Variants in RHBDD1 observed in about 807,000 individuals in gnomAD.
The protein encoded by RHBDD1 is rhomboid-related protein 4.
In RHBDD1, 38 loss-of-function variants were observed where a neutral mutation model predicts 36.3. The observed-to-expected ratio is 1.05, with a 90% CI of 0.81 to 1.37. The LOEUF (loss-of-function observed/expected upper bound fraction) is 1.37, where lower values mean the gene tolerates loss of function less well. Ranked by LOEUF, RHBDD1 falls within the 40% of genes most tolerant of loss-of-function variation. The pLI is 0.00. For synonymous variants in RHBDD1, 151 were observed against 136.5 expected (o/e 1.11, Z -0.74); for missense variants, 393 against 377.6 (o/e 1.04, Z -0.34).
chr2:226,877,209 T>C (rs1010245188), intron 5 of RHBDD1, among the ~76,000 whole-genome samples: 7 of 152,218 alleles, frequency 4.6e-5, no homozygotes, highest in Non-Finnish European at 7.3e-5. Flanking sequence ...AACATTAAAA[T>C]CTGTTGATCT....
At chr2:226,920,224 T>G (rs1332879168) in intron 8 of RHBDD1, among the ~76,000 whole-genome samples, 1 of 152,114 alleles carries the variant, frequency 6.6e-6, no homozygotes, top group East Asian at 1.9e-4. Context: ...GAAATGCTGC[T>G]GACTTTTGTA....
At chr2:226,941,225 C>T (rs1253927497) in intron 8 of RHBDD1, among the ~76,000 whole-genome samples, 2 of 151,678 alleles carry the variant, frequency 1.3e-5, no homozygotes. Flanking sequence ...CTCAGCCTCC[C>T]AAAGTGCTGG....
chr2:226,864,581 T>TA, intron 3 of RHBDD1, 23 bp from the exon 4 acceptor site: 1 of 826,466 alleles, frequency 1.2e-6, no homozygotes, highest in Non-Finnish European at 2.0e-6. Context: ...TTGATGGTTT[T>TA]TCACATGCAT....
chr2:226,926,679 T>A (rs1949691173), intron 8 of RHBDD1, among the ~76,000 whole-genome samples: 1 of 152,204 alleles, frequency 6.6e-6, no homozygotes, highest in South Asian at 2.1e-4. Flanking sequence ...ATACCACTAA[T>A]ACCTGGTTAC....
At position 226,852,919 on chromosome 2, in the gene RHBDD1, A is replaced by G. The variant is rs906545894; in HGVS notation, c.-90-11685A>G. Among the ~76,000 whole-genome samples the G allele has an allele frequency of 9.9e-4, 145 of 145,890 alleles. 2 individuals carry two copies. The highest frequency in any genetic ancestry group is 3.1e-3 in the African/African-American group (123 of 40,310). The stretch of plus-strand genomic sequence containing the variant: ...TGGCTAATTTATTATTATTATTATT[A>G]TTATTATTATTATTATTATTATTAT... On this transcript the variant is annotated intron_variant, in intron 3 of 8. Coordinates refer to ENST00000392062, the MANE Select transcript of RHBDD1 (RefSeq NM_001167608.3).
In RHBDD1 at chr2:226,856,229, CTA is replaced by C. The variant is rs542311419; in HGVS notation, c.-90-8373_-90-8372del. ...CACAATTTACATGTTATTCAAACAA[CTA>C]TGTTTTGCATATAGCAAAGCTTTTT... On this transcript the variant is annotated intron_variant, in intron 3 of 8. Coordinates refer to ENST00000392062, the MANE Select transcript of RHBDD1 (RefSeq NM_001167608.3). Among the ~76,000 whole-genome samples, 646 of 152,224 alleles carry C rather than the reference CTA, an allele frequency of 4.2e-3. 7 individuals are homozygous for C. Among genetic ancestry groups the C allele is most frequent in the Middle Eastern group, 6.8e-3 (2 of 294 alleles).
chr2:226,977,993 C>T (rs911524004), intron 8 of RHBDD1, among the ~76,000 whole-genome samples: 5 of 152,226 alleles, frequency 3.3e-5, no homozygotes, highest in African/African-American at 4.8e-5. Flanking sequence ...GTATTTAAAG[C>T]TATAAATGAC....
intron 3 of RHBDD1, among the ~76,000 whole-genome samples, chr2:226,845,556 C>T (rs573296940): frequency 6.6e-6 from 1 of 152,278 alleles, no homozygotes; most frequent in South Asian, 2.1e-4. Context: ...TTCCCAAAGC[C>T]CATCTCTTTA....
At chr2:226,890,619 A>C (rs1946599988) in intron 5 of RHBDD1, among the ~76,000 whole-genome samples, 1 of 152,174 alleles carries the variant, frequency 6.6e-6, no homozygotes, top group Non-Finnish European at 1.5e-5. Context: ...CTTGGCTAGG[A>C]GTCCTTTGGT....
chr2:226,899,638 A>G (rs1029575876), intron 5 of RHBDD1, among the ~76,000 whole-genome samples: 4 of 152,246 alleles, frequency 2.6e-5, no homozygotes, highest in African/African-American at 9.6e-5. Context: ...TGAAAACTGA[A>G]GAAAAAGACA....
chr2:226,929,029 A>C (rs1949847340), intron 8 of RHBDD1, among the ~76,000 whole-genome samples: 1 of 152,062 alleles, frequency 6.6e-6, no homozygotes, highest in South Asian at 2.1e-4. Flanking sequence ...GCCAACAAAA[A>C]AAACCCAGTG....
At chr2:226,842,287 A>G (rs1941731562) in intron 3 of RHBDD1, among the ~76,000 whole-genome samples, 1 of 152,070 alleles carries the variant, frequency 6.6e-6, no homozygotes, top group Non-Finnish European at 1.5e-5. Flanking sequence ...GAAGCTCTTT[A>G]GTTTAATCAG....
intron 8 of RHBDD1, among the ~76,000 whole-genome samples, chr2:226,932,500 C>CA (rs1267250118): frequency 6.6e-6 from 1 of 151,884 alleles, no homozygotes; most frequent in Non-Finnish European, 1.5e-5. Flanking sequence ...ATTCCTTTAC[C>CA]ATCACCTTAT....
the RHBDD1 span, among the ~76,000 whole-genome samples, chr2:226,827,909 A>G: frequency 6.6e-6 from 1 of 152,200 alleles, no homozygotes; most frequent in African/African-American, 2.4e-5. Flanking sequence ...CCTTGGACAT[A>G]AGTGACCATA....
chr2:226,972,395 G>C (rs937451681), intron 8 of RHBDD1, among the ~76,000 whole-genome samples: 1 of 152,198 alleles, frequency 6.6e-6, no homozygotes, highest in East Asian at 1.9e-4. Flanking sequence ...GGAAGAGAGA[G>C]ACAGGGATTA....
Position 226,996,045 on chromosome 2 carries a change from A to G in RHBDD1, c.*523A>G, listed in dbSNP as rs1302245767. The G allele has an allele frequency of 6.3e-6, 1 of 158,460 alleles. No individual in the cohort carries two copies. Among genetic ancestry groups the G allele is most frequent in the Non-Finnish European group, 1.4e-5 (1 of 72,512 alleles). The allele number at this position is 158,460 out of a possible 1,614,324, so 9.8% of individuals were successfully genotyped here. ...CCCAACCCCGGCGCCTCAGCTCCTC[A>G]GCTCCTCGGGCCCCTGCGTCTGGCT... On this transcript the variant is annotated 3_prime_UTR_variant, in exon 9 of 9. Transcript: ENST00000392062.
At chr2:226,803,276 A>G in the RHBDD1 span, among the ~76,000 whole-genome samples, 1 of 152,112 alleles carries the variant, frequency 6.6e-6, no homozygotes, top group Non-Finnish European at 1.5e-5. Context: ...GGGTAATAAG[A>G]GAGTACAAAA....
At chr2:226,924,890 C>G (rs1575119714) in intron 8 of RHBDD1, among the ~76,000 whole-genome samples, 1 of 152,310 alleles carries the variant, frequency 6.6e-6, no homozygotes, top group African/African-American at 2.4e-5. Context: ...GTGGCATTGG[C>G]AATTCAAGAC....
In RHBDD1 at chr2:226,913,508, A is replaced by G. The variant is rs536845013; in HGVS notation, c.713-700A>G. On this transcript the variant is annotated intron_variant, in intron 7 of 8. Coordinates refer to ENST00000392062, the MANE Select transcript of RHBDD1 (RefSeq NM_001167608.3). ...AAAAGATCAATGGAAATATCTTCCAAAAATGAACTTTTCCCTGTTATTGAC... is the reference window on the plus strand; with the variant it reads ...AAAAGATCAATGGAAATATCTTCCAGAAATGAACTTTTCCCTGTTATTGAC... 7.2e-5 allele frequency among the ~76,000 whole-genome samples: 11 copies of G among 152,332 alleles called. No homozygotes were observed. In the East Asian group the frequency reaches 1.5e-3, roughly 21 times the overall value.
Sources: gnomAD v4.1 joint callset for allele counts (sites outside exome capture counted in the v4.1 genomes callset) on GRCh38, gnomAD v4.1.1 for gene constraint, MANE v1.5 for transcripts, NCBI Gene and HGNC (gene_info 2026-07-23, HGNC 2026-07-21) for gene names.